Variants in SARNP observed in about 807,000 individuals in gnomAD.
SARNP encodes SAP domain-containing ribonucleoprotein.
Under a neutral mutation model 38.1 loss-of-function variants are expected in SARNP, and 5 were observed. The observed-to-expected ratio is 0.13, with a 90% CI of 0.07 to 0.28. The LOEUF (loss-of-function observed/expected upper bound fraction) is 0.28. SARNP is among the 10% of genes least tolerant of loss of function. SARNP has a pLI of 1.00. For missense variants in SARNP, 180 were observed against 243.9 expected, an observed-to-expected ratio of 0.74 and a Z score of 1.75; for synonymous variants, 84 against 80.6, an observed-to-expected ratio of 1.04 and a Z score of -0.23.
intron 10 of SARNP, among the ~76,000 whole-genome samples, chr12:55,760,011 T>G (rs1395440895): frequency 2.6e-5 from 4 of 152,152 alleles, no homozygotes; most frequent in Non-Finnish European, 4.4e-5. Flanking sequence ...GTGCTAAGAT[T>G]ACAGGCATGA....
At chr12:55,770,350 C>T (rs1040863480) in intron 9 of SARNP, among the ~76,000 whole-genome samples, 2 of 150,848 alleles carry the variant, frequency 1.3e-5, no homozygotes, top group East Asian at 1.9e-4. Flanking sequence ...CTCAGTCTCC[C>T]GAGTAGCTGG....
Position 55,757,486 on chromosome 12 carries a change from G to T in SARNP, c.*26C>A. On this transcript the variant is annotated 3_prime_UTR_variant, in exon 11 of 11. Coordinates refer to ENST00000336133, the MANE Select transcript of SARNP (RefSeq NM_033082.4). Reference sequence around the variant, plus strand: ...AAGGAGAGAAATGGAAAACACTGGAGAACAGAAAGTATCAGGAACTTTTCA... The same window carrying T: ...AAGGAGAGAAATGGAAAACACTGGATAACAGAAAGTATCAGGAACTTTTCA... The T allele has an allele frequency of 1.3e-6, 2 of 1,596,552 alleles. No homozygotes were observed. The highest frequency in any genetic ancestry group is 2.2e-5 in the South Asian group (2 of 89,102).
At chr12:55,764,166 GT>G (rs1279451103) in intron 9 of SARNP, among the ~76,000 whole-genome samples, 5 of 152,128 alleles carry the variant, frequency 3.3e-5, no homozygotes, top group Non-Finnish European at 7.4e-5. Context: ...TTGTACTAAT[GT>G]TTTTCTCAGC....
intron 1 of SARNP, among the ~76,000 whole-genome samples, chr12:55,814,617 C>A (rs2136210246): frequency 6.6e-6 from 1 of 152,292 alleles, no homozygotes; most frequent in East Asian, 1.9e-4. Flanking sequence ...TGCCTATAAT[C>A]CCAGCACTTT....
intron 1 of SARNP, among the ~76,000 whole-genome samples, chr12:55,812,000 G>A (rs1218958054): frequency 1.3e-5 from 2 of 152,142 alleles, no homozygotes; most frequent in African/African-American, 4.8e-5. Flanking sequence ...GTGATCTTTT[G>A]AAAATTTAAG....
At chr12:55,815,868 C>T (rs1400434312) in intron 1 of SARNP, 1 of 152,198 alleles carries the variant, frequency 6.6e-6, no homozygotes, top group Non-Finnish European at 1.5e-5. Context: ...ATGCCTTTTT[C>T]TGGGGAGAGG....
chr12:55,812,694 C>A (rs1246496362), intron 1 of SARNP, among the ~76,000 whole-genome samples: 1 of 152,248 alleles, frequency 6.6e-6, no homozygotes, highest in East Asian at 1.9e-4. Flanking sequence ...AGTCATCTTT[C>A]ATTTTTCCCA....
At chr12:55,793,649 G>A (rs1879738554) in intron 7 of SARNP, 1 of 151,602 alleles carries the variant, frequency 6.6e-6, no homozygotes, top group Non-Finnish European at 1.5e-5. Context: ...CCAAGTATAA[G>A]TGGACCTGTG....
At chr12:55,765,339 C>A (rs1169654168) in intron 9 of SARNP, among the ~76,000 whole-genome samples, 1 of 152,162 alleles carries the variant, frequency 6.6e-6, no homozygotes, top group Non-Finnish European at 1.5e-5. Context: ...CCATTAGCCA[C>A]CTGCCTCGCT....
chr12:55,753,253 TCTC>T (rs1350940517), downstream of SARNP: 6 of 152,194 alleles, frequency 3.9e-5, no homozygotes, highest in Non-Finnish European at 8.8e-5. Flanking sequence ...AGTGTCCTAT[TCTC>T]CTGCAGTCCC....
intron 9 of SARNP, 68 bp from the exon 10 acceptor site, chr12:55,760,708 T>A: frequency 9.3e-7 from 1 of 1,072,314 alleles, no homozygotes; most frequent in South Asian, 1.3e-5. Context: ...GGGAATGAAA[T>A]GATAACTTAT....
rs905292282 is a variant in SARNP at position 55,775,897 on chromosome 12, T to A, written c.501+13178A>T. ...CCACATATATAAGCCTCTCAAGTAT[T>A]AACATACATTCTAAACATTCCCATT... On this transcript the variant is annotated intron_variant, in intron 9 of 10. Coordinates refer to ENST00000336133, the MANE Select transcript of SARNP (RefSeq NM_033082.4). Among the ~76,000 whole-genome samples, 3 of 152,194 alleles carry A rather than the reference T, an allele frequency of 2.0e-5. No homozygotes were observed. In the East Asian group the frequency reaches 5.8e-4, roughly 29 times the overall value.
At chr12:55,813,095 G>A (rs963404284) in intron 1 of SARNP, among the ~76,000 whole-genome samples, 5 of 152,038 alleles carry the variant, frequency 3.3e-5, no homozygotes, top group Non-Finnish European at 5.9e-5. Flanking sequence ...ACAAGTGCGC[G>A]CCACCAGGCC....
At chr12:55,802,636 C>T (rs1409766874) in intron 2 of SARNP, among the ~76,000 whole-genome samples, 5 of 151,666 alleles carry the variant, frequency 3.3e-5, no homozygotes, top group South Asian at 2.1e-4. Context: ...TATATATATA[C>T]ACAAATATTC....
At chr12:55,797,027 A>G (rs1412715713) in intron 4 of SARNP, among the ~76,000 whole-genome samples, 1 of 152,162 alleles carries the variant, frequency 6.6e-6, no homozygotes, top group African/African-American at 2.4e-5. Flanking sequence ...CCCACGATAA[A>G]TGGAAGGGCA....
At chr12:55,773,117 T>C (rs1427909927) in intron 9 of SARNP, among the ~76,000 whole-genome samples, 1 of 152,168 alleles carries the variant, frequency 6.6e-6, no homozygotes, top group African/African-American at 2.4e-5. Flanking sequence ...GAGTGAGCAC[T>C]AGGAAAACAG....
At chr12:55,817,213 A>T (rs1041676245) in intron 1 of SARNP, among the ~76,000 whole-genome samples, 26 of 152,208 alleles carry the variant, frequency 1.7e-4, no homozygotes, top group African/African-American at 5.8e-4. Flanking sequence ...TCTGGTACCT[A>T]TTTAGACAGA....
At chr12:55,807,236 T>A (rs140163756) in intron 1 of SARNP, among the ~76,000 whole-genome samples, 8 of 152,348 alleles carry the variant, frequency 5.3e-5, no homozygotes, top group African/African-American at 1.9e-4. Flanking sequence ...ATCAAACTGC[T>A]ATAAAACTTT....
At chr12:55,782,539 AC>A (rs1565675844) in intron 9 of SARNP, among the ~76,000 whole-genome samples, 1 of 152,126 alleles carries the variant, frequency 6.6e-6, no homozygotes, top group Non-Finnish European at 1.5e-5. Flanking sequence ...AAATAGATTA[AC>A]TGAGCTGGCT....
Sources: gnomAD v4.1 joint callset for allele counts (sites outside exome capture counted in the v4.1 genomes callset) on GRCh38, gnomAD v4.1.1 for gene constraint, MANE v1.5 for transcripts, NCBI Gene and HGNC (gene_info 2026-07-23, HGNC 2026-07-21) for gene names.